The following USP26 variants were observed in gnomAD, a reference collection of about 807,000 sequenced individuals.
USP26 encodes ubiquitin specific peptidase 26.
For missense variants in USP26, 649 were observed against 642.3 expected (o/e 1.01, Z -0.11); for synonymous variants, 236 against 240.6 (o/e 0.98, Z 0.18).
intron 5 of USP26, among the ~76,000 whole-genome samples, chrX:133,075,350 A>G (rs1316646586): frequency 1.8e-5 from 2 of 112,407 alleles, no homozygotes; most frequent in Non-Finnish European, 3.8e-5. Flanking sequence ...GTGTTTTCAC[A>G]TTTTCTGCAA....
At chrX:133,029,621 TC>T (rs1216074514) in intron 5 of USP26, among the ~76,000 whole-genome samples, 1 of 112,208 alleles carries the variant, frequency 8.9e-6, no homozygotes, top group Non-Finnish European at 1.9e-5. Flanking sequence ...TCTTAATTGT[TC>T]CTTTTTATTT....
chrX:133,075,665 G>C (rs1171807466), intron 5 of USP26, among the ~76,000 whole-genome samples: 1 of 111,195 alleles, frequency 9.0e-6, no homozygotes, highest in African/African-American at 3.3e-5. Flanking sequence ...AGAAGTCCCA[G>C]AGTTATAGGA....
chrX:133,036,535 T>C (rs1227395317), intron 5 of USP26, among the ~76,000 whole-genome samples: 1 of 111,835 alleles, frequency 8.9e-6, no homozygotes, highest in Non-Finnish European at 1.9e-5. Context: ...TGCACGGTAT[T>C]CCATGGTGTA....
intron 5 of USP26, among the ~76,000 whole-genome samples, chrX:133,041,599 A>T (rs1237713195): frequency 8.9e-6 from 1 of 112,023 alleles, no homozygotes; most frequent in Non-Finnish European, 1.9e-5. Context: ...GCCTGATGCC[A>T]GCTGGAATTC....
intron 5 of USP26, among the ~76,000 whole-genome samples, chrX:133,053,476 T>G (rs1354456811): frequency 1.9e-5 from 2 of 108,067 alleles, no homozygotes; most frequent in Admixed American, 2.0e-4. Flanking sequence ...AGACAGAAGT[T>G]GCAGTGAGCT....
intron 5 of USP26, among the ~76,000 whole-genome samples, chrX:133,059,566 G>A (rs757160708): frequency 4.5e-5 from 5 of 110,648 alleles, no homozygotes; most frequent in Non-Finnish European, 9.4e-5. Flanking sequence ...TGGTGACAAA[G>A]TTGACAATGT....
chrX:133,089,149 G>A (rs763999738), intron 4 of USP26, among the ~76,000 whole-genome samples: 1 of 110,332 alleles, frequency 9.1e-6, no homozygotes, highest in East Asian at 2.8e-4. Context: ...CCTTGGTTGG[G>A]TGAACTTCAG....
intron 5 of USP26, among the ~76,000 whole-genome samples, chrX:133,081,029 A>T (rs1026602454): frequency 9.0e-6 from 1 of 111,057 alleles, no homozygotes; most frequent in Admixed American, 9.6e-5. Flanking sequence ...TTCCCAGCTC[A>T]CACACACTTC....
At chrX:133,092,451 A>C (rs142405111) in intron 1 of USP26, among the ~76,000 whole-genome samples, 3,329 of 112,184 alleles carry the variant, frequency 0.03, 71 homozygotes, top group East Asian at 0.1. Flanking sequence ...AGTTAGAAAA[A>C]CATGGACATC....
intron 5 of USP26, among the ~76,000 whole-genome samples, chrX:133,063,725 G>T (rs242525): frequency 0.021 from 2,395 of 111,597 alleles, 65 homozygotes; most frequent in African/African-American, 0.074. Flanking sequence ...AGCTCCTGAA[G>T]GAAGCACTAA....
intron 5 of USP26, among the ~76,000 whole-genome samples, chrX:133,038,810 T>C (rs2067406188): frequency 8.9e-6 from 1 of 112,174 alleles, no homozygotes; most frequent in African/African-American, 3.2e-5. Flanking sequence ...TTTTGGTTGG[T>C]AGGCTTTTAA....
chrX:133,031,839 C>A (rs191803296), intron 5 of USP26, among the ~76,000 whole-genome samples: 12 of 111,813 alleles, frequency 1.1e-4, no homozygotes, highest in Non-Finnish European at 1.7e-4. Context: ...ATGGTGGCAA[C>A]TGCTAAAGAA....
chrX:133,082,627 A>C (rs143219173), intron 5 of USP26, among the ~76,000 whole-genome samples: 472 of 112,055 alleles, frequency 4.2e-3, no homozygotes, highest in African/African-American at 0.015. Flanking sequence ...AAATTAAAAC[A>C]AAACACAAAC....
At chrX:133,068,111 T>C (rs1406680051) in intron 5 of USP26, among the ~76,000 whole-genome samples, 1 of 111,772 alleles carries the variant, frequency 8.9e-6, no homozygotes, top group Non-Finnish European at 1.9e-5. Context: ...GCAATATGGA[T>C]GGAGCTGGAA....
At chrX:133,029,731 T>C (rs2148525827) in intron 5 of USP26, among the ~76,000 whole-genome samples, 1 of 112,106 alleles carries the variant, frequency 8.9e-6, no homozygotes, top group South Asian at 3.8e-4. Context: ...ATTATCTTCT[T>C]TCTATTGGTA....
chrX:133,073,558 C>T (rs1331849288), intron 5 of USP26, among the ~76,000 whole-genome samples: 4 of 110,677 alleles, frequency 3.6e-5, no homozygotes, highest in African/African-American at 1.3e-4. Context: ...ATGAATTTCA[C>T]TCTTACAAAG....
At chrX:133,034,951 G>C (rs1327524363) in intron 5 of USP26, among the ~76,000 whole-genome samples, 1 of 112,093 alleles carries the variant, frequency 8.9e-6, no homozygotes, top group Admixed American at 9.4e-5. Context: ...AGTAGGGGAA[G>C]GGGTAGTAAA....
At chrX:133,042,312 T>C (rs937237027) in intron 5 of USP26, among the ~76,000 whole-genome samples, 1 of 111,411 alleles carries the variant, frequency 9.0e-6, no homozygotes, top group African/African-American at 3.3e-5. Context: ...ACCCAGTTTG[T>C]GCTTGAGACC....
chrX:133,055,247 G>GTTTCCTGAT (rs765516026), intron 5 of USP26, among the ~76,000 whole-genome samples: 1 of 111,759 alleles, frequency 8.9e-6, no homozygotes, highest in African/African-American at 3.3e-5. Flanking sequence ...CACAGCACTA[G>GTTTCCTGAT]TTTCCTGATT....
Sources: gnomAD v4.1 joint callset for allele counts (sites outside exome capture counted in the v4.1 genomes callset) on GRCh38, gnomAD v4.1.1 for gene constraint, MANE v1.5 for transcripts, NCBI Gene and HGNC (gene_info 2026-07-23, HGNC 2026-07-21) for gene names.